CYP3A4: variants seen among roughly 807,000 people sequenced by gnomAD.
CYP3A4 encodes cytochrome P450 family 3 subfamily A member 4, also known as cytochrome P450 3A4.
In CYP3A4, 41 loss-of-function variants were observed where a neutral mutation model predicts 54.9. The ratio of observed to expected loss-of-function variants is 0.75; its 90% CI spans 0.58 to 0.97. The LOEUF is 0.97. CYP3A4 is among the 50% of genes least tolerant of loss of function. CYP3A4 has a pLI of 0.00. For missense variants in CYP3A4, 510 were observed against 597.3 expected (o/e 0.85, Z 1.52); for synonymous variants, 179 against 205.2 (o/e 0.87, Z 1.09).
At chr7:99,782,000 T>C (rs1420964582) in intron 1 of CYP3A4, among the ~76,000 whole-genome samples, 2 of 152,202 alleles carry the variant, frequency 1.3e-5, no homozygotes, top group African/African-American at 2.4e-5. Flanking sequence ...AGAAGCAGCA[T>C]AGCCAGGCCC....
intron 3 of CYP3A4, among the ~76,000 whole-genome samples, chr7:99,777,630 A>G (rs1322392710): frequency 7.9e-5 from 12 of 152,134 alleles, no homozygotes; most frequent in Admixed American, 7.9e-4. Flanking sequence ...AGCTTGCACA[A>G]AGGCCATCCC....
intron 7 of CYP3A4, 95 bp from the exon 8 acceptor site, chr7:99,767,353 G>A: frequency 1.8e-6 from 2 of 1,130,776 alleles, no homozygotes; most frequent in South Asian, 1.6e-5. Context: ...CCAACCAGAA[G>A]AGTAAAAGAC....
intron 3 of CYP3A4, among the ~76,000 whole-genome samples, chr7:99,773,319 T>C (rs1033049942): frequency 6.6e-6 from 1 of 152,108 alleles, no homozygotes. Flanking sequence ...TATTCAGAAC[T>C]TGAACTCAGC....
In CYP3A4 at chr7:99,762,271, G is replaced by A. The variant is rs746094226; in HGVS notation, c.1027-4C>T. 2 of 1,613,842 alleles carry A rather than the reference G, an allele frequency of 1.2e-6. No individual in the cohort carries two copies. The highest frequency in any genetic ancestry group is 1.1e-5 in the South Asian group (1 of 91,064). ...CAGTATCATAGGTGGGTGGTGCCTG[G>A]AAAGAACGAAACAGATTTGGATAAA... On this transcript the variant is annotated splice_region_variant and splice_polypyrimidine_tract_variant and intron_variant, in intron 10 of 12. Transcript: ENST00000651514.
intron 12 of CYP3A4, among the ~76,000 whole-genome samples, 154 bp downstream of exon 12, chr7:99,760,664 AG>A (rs1815295901): frequency 6.6e-6 from 1 of 152,228 alleles, no homozygotes; most frequent in Non-Finnish European, 1.5e-5. Context: ...CCAGAACTGA[AG>A]CACCCTTAAA....
Position 99,780,224 on chromosome 7 carries a change from C to T in CYP3A4, c.72-139G>A, listed in dbSNP as rs978889247. The T allele has an allele frequency of 1.9e-5, 15 of 808,158 alleles. No homozygotes were observed. The Admixed American group carries it at 2.3e-4, about 13-fold the overall frequency. 50.1% of individuals were successfully genotyped at this position (808,158 alleles called of 1,614,324 possible). A position where few individuals can be genotyped will look rare whatever the true frequency, so the allele number is the denominator to read the frequency against. ...CAAGAAATAATAACAGTAACTCTGA[C>T]GGCAATGATTATATTTGTTCATCAG... On this transcript the variant is annotated intron_variant, in intron 1 of 12. Transcript: ENST00000651514.
chr7:99,765,526 A>G (rs1347866359), intron 9 of CYP3A4, among the ~76,000 whole-genome samples: 1 of 152,224 alleles, frequency 6.6e-6, no homozygotes, highest in Non-Finnish European at 1.5e-5. Flanking sequence ...ATAGATACAT[A>G]GATAGATACA....
intron 2 of CYP3A4, among the ~76,000 whole-genome samples, chr7:99,778,378 C>A (rs1584549713): frequency 6.6e-6 from 1 of 152,150 alleles, no homozygotes; most frequent in African/African-American, 2.4e-5. Flanking sequence ...CATGTGTTGT[C>A]TTGAAAATCT....
Position 99,763,837 on chromosome 7 carries a change from C to T in CYP3A4, c.1026+18G>A, listed in dbSNP as rs1350332491. On this transcript the variant is annotated intron_variant, in intron 10 of 12. Transcript: ENST00000651514. ...AGGTTTCACCTCCTCCCTCCTTCTCCATGTACCATCCACTCACCTTATTGG... is the reference window on the plus strand; with the variant it reads ...AGGTTTCACCTCCTCCCTCCTTCTCTATGTACCATCCACTCACCTTATTGG... 5.0e-6 allele frequency: 8 copies of T among 1,613,794 alleles called. No homozygotes were observed. The Admixed American group carries it at 1.2e-4, about 24-fold the overall frequency.
At chr7:99,775,076 A>G (rs1815728781) in intron 3 of CYP3A4, among the ~76,000 whole-genome samples, 1 of 152,088 alleles carries the variant, frequency 6.6e-6, no homozygotes, top group Non-Finnish European at 1.5e-5. Flanking sequence ...TCATGAGTGA[A>G]CTCCCATTCA....
intron 5 of CYP3A4, 22 bp from the exon 6 acceptor site, chr7:99,769,878 A>T: frequency 1.2e-6 from 2 of 1,613,398 alleles, no homozygotes; most frequent in African/African-American, 1.3e-5. Flanking sequence ...ACACAACACC[A>T]CCCATAGTTA....
chr7:99,763,024 G>T (rs1487462584), intron 10 of CYP3A4, among the ~76,000 whole-genome samples: 2 of 152,224 alleles, frequency 1.3e-5, no homozygotes, highest in Non-Finnish European at 2.9e-5. Flanking sequence ...ATATGATAGT[G>T]TTTTAAGACT....
chr7:99,770,269 T>A (rs35173968), intron 4 of CYP3A4, 34 bp from the exon 5 acceptor site: 2 of 1,563,326 alleles, frequency 1.3e-6, no homozygotes, highest in African/African-American at 2.7e-5. Flanking sequence ...TTGTCCTACA[T>A]CAGTTGTGGA....
intron 12 of CYP3A4, among the ~76,000 whole-genome samples, chr7:99,760,021 G>A (rs1584539120): frequency 6.6e-6 from 1 of 152,074 alleles, no homozygotes; most frequent in East Asian, 1.9e-4. Flanking sequence ...ATTTTTAGTA[G>A]AGACGGGGTT....
intron 3 of CYP3A4, among the ~76,000 whole-genome samples, chr7:99,773,657 A>T (rs1815688763): frequency 6.6e-6 from 1 of 152,248 alleles, no homozygotes; most frequent in African/African-American, 2.4e-5. Flanking sequence ...ATGAGAACAA[A>T]GGCACAATGT....
At chr7:99,761,927 A>G (rs975452961) in intron 11 of CYP3A4, 114 bp downstream of exon 11, 10 of 994,014 alleles carry the variant, frequency 1.0e-5, no homozygotes, top group East Asian at 7.5e-5. Flanking sequence ...CTCTAAATAT[A>G]AAAATACAAG....
chr7:99,775,538 T>C (rs1206097098), intron 3 of CYP3A4, among the ~76,000 whole-genome samples: 4 of 151,916 alleles, frequency 2.6e-5, no homozygotes, highest in East Asian at 1.9e-4. Context: ...AATAACACCA[T>C]GCATCTACTA....
intron 4 of CYP3A4, among the ~76,000 whole-genome samples, chr7:99,770,801 T>C (rs1815613027): frequency 6.6e-6 from 1 of 152,228 alleles, no homozygotes; most frequent in African/African-American, 2.4e-5. Flanking sequence ...ATTTTTTATT[T>C]CATGGATAGA....
chr7:99,778,071 T>C lies in CYP3A4; in HGVS notation c.175A>G (p.Met59Val). 6.2e-7 allele frequency: 1 copy of C among 1,612,266 alleles called. No homozygotes were observed. The highest frequency in any genetic ancestry group is 8.5e-7 in the Non-Finnish European group (1 of 1,178,538). The change falls in exon 3 of 13, where the codon ATG becomes GTG. Residue 59 changes from methionine to valine, a missense_variant. This residue lies in a region of CYP3A4 where 272 missense variants were observed against 274.9 expected (regional missense o/e 0.99). Transcript: ENST00000651514. ...TTTTTATGACATTCCATGTCAAACA[T>C]ACAAAAGCCCTGGGAGGAGAAACAA... ...NILSYHKGFC[M>V]FDMECHKKYG...
Sources: gnomAD v4.1 joint callset for allele counts (sites outside exome capture counted in the v4.1 genomes callset) on GRCh38, gnomAD v4.1.1 for gene constraint, gnomAD v4.1.1 regional missense constraint, MANE v1.5 for transcripts, NCBI Gene and HGNC (gene_info 2026-07-23, HGNC 2026-07-21) for gene names.